The following RAD52 variants were observed in gnomAD, a reference collection of about 807,000 sequenced individuals.
The protein encoded by RAD52 is DNA repair protein RAD52 homolog.
A neutral mutation model predicts 55.5 loss-of-function variants in RAD52; 47 were observed. That is an observed-to-expected ratio of 0.85 (90% confidence interval 0.67 to 1.08). RAD52 has a LOEUF of 1.08. Among genes scored for constraint, RAD52 ranks in the 50% least tolerant of loss-of-function variants. The pLI, the probability that RAD52 is intolerant of heterozygous loss-of-function variation, is 0.00. For missense variants in RAD52, 468 were observed against 522.8 expected (o/e 0.90, Z 1.02); for synonymous variants, 184 against 198.9 (o/e 0.92, Z 0.63).
chr12:931,948 A>C (rs1007692528), intron 2 of RAD52, among the ~76,000 whole-genome samples: 1 of 152,182 alleles, frequency 6.6e-6, no homozygotes, highest in African/African-American at 2.4e-5. Context: ...ATGAATACTC[A>C]CAACTCTCTG....
chr12:951,760 TTTTC>T (rs142732721), upstream of RAD52, among the ~76,000 whole-genome samples: 13,993 of 152,144 alleles, frequency 0.092, 711 homozygotes, highest in East Asian at 0.18. Flanking sequence ...TTTACTTTAC[TTTTC>T]TTTCTTTTTG....
rs10687302 is a variant in RAD52 at position 912,516 on chromosome 12, A to AATAT, written c.*871_*874dup. ...CTGGTTTCAAGCATTTCAGATAAGC[A>AATAT]ATATATATATATTCTATTTTGTTAA... On this transcript the variant is annotated 3_prime_UTR_variant, in exon 12 of 12. Transcript: ENST00000358495. 39 of 165,514 alleles carry AATAT rather than the reference A, an allele frequency of 2.4e-4. No homozygotes were observed. Among genetic ancestry groups the AATAT allele is most frequent in the Admixed American group, 5.5e-4 (7 of 12,708 alleles). The allele number at this position is 165,514 out of a possible 1,614,324, so 10.3% of individuals were successfully genotyped here. A position where few individuals can be genotyped will look rare whatever the true frequency, so the allele number is the denominator to read the frequency against.
intron 1 of RAD52, among the ~76,000 whole-genome samples, chr12:936,605 A>C (rs1049528163): frequency 1.3e-5 from 2 of 151,762 alleles, no homozygotes; most frequent in African/African-American, 2.4e-5. Flanking sequence ...TGATCCTCCC[A>C]CTGCGGCCTC....
Position 916,335 on chromosome 12 carries a change from C to T in RAD52, c.865+9G>A, listed in dbSNP as rs780471757. The stretch of plus-strand genomic sequence containing the variant: ...GCCTCCCAGGGCCCTGCTCCCACCC[C>T]TCGCTCACCCTCACTCTTCTCAGCT... On this transcript the variant is annotated intron_variant, in intron 9 of 11. Coordinates refer to ENST00000358495, the MANE Select transcript of RAD52 (RefSeq NM_134424.4). 6.2e-7 allele frequency: 1 copy of T among 1,604,108 alleles called. No individual in the cohort carries two copies. Among genetic ancestry groups the T allele is most frequent in the Non-Finnish European group, 8.5e-7 (1 of 1,179,910 alleles).
intron 1 of RAD52, among the ~76,000 whole-genome samples, chr12:945,799 C>T (rs1454857607): frequency 6.7e-6 from 1 of 149,992 alleles, no homozygotes; most frequent in East Asian, 2.0e-4. Context: ...CCGAGGCAGG[C>T]AGATCATGAG....
chr12:916,697 T>C lies in RAD52; in HGVS notation c.667A>G (p.Thr223Ala), dbSNP rs56093732. The C allele has an allele frequency of 6.0e-5, 97 of 1,613,746 alleles. No individual in the cohort carries two copies. In the African/African-American group the frequency reaches 1.1e-3, roughly 19 times the overall value. Reference sequence around the variant, plus strand: ...GCATGGCTGGGTCTGGAAGGGGAGGTCACCTGCTGCAGCTGTGGGTGTCCC... The same window carrying C: ...GCATGGCTGGGTCTGGAAGGGGAGGCCACCTGCTGCAGCTGTGGGTGTCCC... ...ALGHPQLQQVTSPSRPSHAVI... is the reference protein window; with the variant it reads ...ALGHPQLQQVASPSRPSHAVI... Residue 223 changes from threonine (T) to alanine (A), a missense_variant, in exon 8 of 12, where the codon ACC becomes GCC. Thr to Ala is a moderately conservative substitution (Grantham distance 58). Transcript: ENST00000358495.
chr12:925,505 C>G lies in RAD52; in HGVS notation c.488G>C (p.Gly163Ala). 1.2e-6 allele frequency: 2 copies of G among 1,613,706 alleles called. No individual in the cohort carries two copies. The highest frequency in any genetic ancestry group is 1.1e-5 in the South Asian group (1 of 91,060). ...GTAGTCTTTGTCCAGAATACAGTTT[C>G]CAAGTGCATTCCCAAAACTCCTAAG... ...RALRSFGNALGNCILDKDYLR... is the reference protein window; with the variant it reads ...RALRSFGNALANCILDKDYLR... The change falls in exon 7 of 12, where the codon GGA becomes GCA. Residue 163 changes from glycine to alanine, a missense_variant. Physicochemically the swap from Gly to Ala is moderately conservative, Grantham distance 60 (BLOSUM62 0). Transcript: ENST00000358495.
chr12:940,192 C>T (rs1332359008), intron 1 of RAD52, among the ~76,000 whole-genome samples: 1 of 151,970 alleles, frequency 6.6e-6, no homozygotes, highest in Non-Finnish European at 1.5e-5. Context: ...TCCGTTAAAT[C>T]GGGAGGGAGG....
intron 1 of RAD52, among the ~76,000 whole-genome samples, chr12:978,524 G>A (rs867183892): frequency 6.6e-6 from 1 of 152,106 alleles, no homozygotes; most frequent in Non-Finnish European, 1.5e-5. Flanking sequence ...AAACTGGCCG[G>A]GTGAGGTGGC....
At chr12:963,806 A>C (rs1228858232) in intron 1 of RAD52, among the ~76,000 whole-genome samples, 1 of 152,090 alleles carries the variant, frequency 6.6e-6, no homozygotes, top group Admixed American at 6.6e-5. Context: ...CTACGTAAGC[A>C]ATAAAATTAT....
intron 1 of RAD52, among the ~76,000 whole-genome samples, chr12:971,215 G>A (rs774365393): frequency 4.6e-5 from 7 of 151,922 alleles, no homozygotes; most frequent in Non-Finnish European, 8.8e-5. Flanking sequence ...CAATATGTAC[G>A]TTCCTTTAAT....
intron 1 of RAD52, among the ~76,000 whole-genome samples, chr12:948,667 T>A (rs1419809340): frequency 2.0e-5 from 3 of 149,358 alleles, no homozygotes; most frequent in Non-Finnish European, 3.0e-5. Context: ...CCACTTTTTT[T>A]TAAAAAAGGG....
intron 7 of RAD52, 57 bp downstream of exon 7, chr12:925,392 CA>C: frequency 7.1e-7 from 1 of 1,412,912 alleles, no homozygotes; most frequent in Non-Finnish European, 1.0e-6. Context: ...ATACTCAACC[CA>C]TGACACACAA....
At chr12:946,023 C>CA (rs367732899) in intron 1 of RAD52, among the ~76,000 whole-genome samples, 247 of 151,080 alleles carry the variant, frequency 1.6e-3, no homozygotes, top group African/African-American at 5.3e-3. Flanking sequence ...AACTCCGTCT[C>CA]AAAAAAAACA....
intron 1 of RAD52, among the ~76,000 whole-genome samples, chr12:937,627 T>C (rs1165479894): frequency 1.3e-5 from 2 of 152,104 alleles, no homozygotes; most frequent in African/African-American, 2.4e-5. Flanking sequence ...GGTTTCGTCA[T>C]GTTGGCCAGG....
chr12:946,966 A>G (rs1232836221), intron 1 of RAD52, among the ~76,000 whole-genome samples: 2 of 152,148 alleles, frequency 1.3e-5, no homozygotes, highest in Non-Finnish European at 2.9e-5. Flanking sequence ...GCACACAAAC[A>G]TTTCTCTGCT....
At chr12:961,879 A>G (rs1565704578) in intron 1 of RAD52, among the ~76,000 whole-genome samples, 2 of 151,708 alleles carry the variant, frequency 1.3e-5, no homozygotes, top group East Asian at 1.9e-4. Flanking sequence ...AGAAAGAAAA[A>G]AGAGAGAGAG....
intron 8 of RAD52, 70 bp downstream of exon 8, chr12:916,569 G>A (rs555901046): frequency 1.3e-5 from 20 of 1,598,480 alleles, no homozygotes; most frequent in Middle Eastern, 3.4e-4. Context: ...TGGCTCTGGA[G>A]GCCTGAGTGG....
In RAD52 at chr12:971,250, A is replaced by AT. The variant is rs145108189; in HGVS notation, c.-19+18558dup. Among the ~76,000 whole-genome samples, 815 of 152,062 alleles carry AT rather than the reference A, an allele frequency of 5.4e-3. 6 individuals carry two copies. Among genetic ancestry groups the AT allele is most frequent in the African/African-American group, 0.018 (752 of 41,474 alleles). On this transcript the variant is annotated intron_variant, in intron 1 of 11. Coordinates refer to the RAD52 transcript ENST00000430095. ...TCAACCTTTTGTTTTGTTTCATATT[A>AT]TTATAGGATACTGAAAACATTGTGG... is the stretch of plus-strand genomic sequence containing the variant.
Sources: gnomAD v4.1 joint callset for allele counts (sites outside exome capture counted in the v4.1 genomes callset) on GRCh38, gnomAD v4.1.1 for gene constraint, MANE v1.5 for transcripts, NCBI Gene and HGNC (gene_info 2026-07-23, HGNC 2026-07-21) for gene names.